The following SMTN variants were observed in gnomAD, a reference collection of about 807,000 sequenced individuals.
The protein encoded by SMTN is smoothelin.
SMTN carries 58 observed loss-of-function variants against 102.0 expected under a neutral mutation model. The observed-to-expected ratio is 0.57, with a 90% CI of 0.46 to 0.71. The LOEUF (loss-of-function observed/expected upper bound fraction) is 0.71. Among genes scored for constraint, SMTN ranks in the 30% least tolerant of loss-of-function variants. The pLI is 0.00. For synonymous variants in SMTN, 478 were observed against 497.9 expected (o/e 0.96, Z 0.53); for missense variants, 1,185 against 1,241.7 (o/e 0.95, Z 0.69).
At chr22:31,076,538 G>T (rs2042134949), upstream of SMTN, among the ~76,000 whole-genome samples, 1 of 152,222 alleles carries the variant, frequency 6.6e-6, no homozygotes, top group East Asian at 1.9e-4. Context: ...GCTTTATAGG[G>T]CTGTGGTGAT....
intron 1 of SMTN, among the ~76,000 whole-genome samples, chr22:31,075,740 G>C (rs1023407149): frequency 2.0e-5 from 3 of 151,826 alleles, no homozygotes; most frequent in Admixed American, 2.0e-4. Flanking sequence ...GAATAAGTAA[G>C]TTACTGTGGG....
At chr22:31,075,213 A>AT (rs201597660) in intron 1 of SMTN, among the ~76,000 whole-genome samples, 4 of 151,830 alleles carry the variant, frequency 2.6e-5, no homozygotes, top group African/African-American at 9.7e-5. Flanking sequence ...TCTGGGCCTC[A>AT]TTTTTTTTCT....
Position 31,090,158 on chromosome 22 carries a change from C to G in SMTN, c.843C>G (p.Gly281=), listed in dbSNP as rs1178797860. The change falls in exon 8 of 21, where the codon GGC becomes GGG. Residue 281 remains glycine, a synonymous_variant. Coordinates refer to ENST00000333137, the MANE Select transcript of SMTN (RefSeq NM_134269.3). ...CTGCTGCCCAGAGCCCCACCAGAGG[C>G]CCCTCTGACACCAAGAGAGCAGGTG... ...ETPAAQSPTR[G]PSDTKRADVA... The G allele has an allele frequency of 2.5e-6, 4 of 1,611,652 alleles. No individual in the cohort carries two copies. The highest frequency in any genetic ancestry group is 1.7e-4 in the Middle Eastern group (1 of 6,034).
chr22:31,085,080 G>A (rs2042581234), intron 2 of SMTN: 4 of 1,534,042 alleles, frequency 2.6e-6, no homozygotes, highest in Non-Finnish European at 3.5e-6. Flanking sequence ...GGGATGGGAG[G>A]AATGGGGACG....
chr22:31,066,459 C>G (rs2041852654), intron 1 of SMTN: 1 of 152,116 alleles, frequency 6.6e-6, no homozygotes, highest in African/African-American at 2.4e-5. Context: ...AGTGATGCAC[C>G]ACCACGCCTG....
chr22:31,077,931 G>A (rs1239022665), upstream of SMTN, among the ~76,000 whole-genome samples: 3 of 152,230 alleles, frequency 2.0e-5, no homozygotes, highest in Non-Finnish European at 2.9e-5. Context: ...ACATAAGGAG[G>A]AAGGTCATAC....
intron 11 of SMTN, among the ~76,000 whole-genome samples, chr22:31,094,287 C>T (rs979227210): frequency 2.0e-5 from 3 of 152,210 alleles, no homozygotes; most frequent in African/African-American, 7.2e-5. Context: ...GCTAGAGACT[C>T]CTTAGAGGAT....
chr22:31,089,646 G>A (rs1452165757), intron 6 of SMTN, 53 bp from the exon 7 acceptor site: 1 of 1,512,314 alleles, frequency 6.6e-7, no homozygotes, highest in Non-Finnish European at 9.0e-7. Context: ...CAGTGGTGGG[G>A]GTGGCGTTCA....
chr22:31,104,030 TC>T, intron 20 of SMTN: 2 of 440,100 alleles, frequency 4.5e-6, no homozygotes, highest in Admixed American at 6.9e-5. Flanking sequence ...AGCCAGCACC[TC>T]CCCAGGGTTG....
Position 31,100,865 on chromosome 22 carries a change from C to A in SMTN, c.2604-20C>A. Reference sequence around the variant, plus strand: ...CCTGCCCCCGTCCCCCACCCCTTCCCGGCCCCCTACCCTCCCCAGGACCCA... The same window carrying A: ...CCTGCCCCCGTCCCCCACCCCTTCCAGGCCCCCTACCCTCCCCAGGACCCA... On this transcript the variant is annotated intron_variant, in intron 19 of 20. Coordinates refer to ENST00000333137, the MANE Select transcript of SMTN (RefSeq NM_134269.3). 1 of 1,480,030 alleles carries A rather than the reference C, an allele frequency of 6.8e-7. No individual in the cohort carries two copies. The highest frequency in any genetic ancestry group is 1.4e-5 in the African/African-American group (1 of 72,058). 91.7% of individuals were successfully genotyped at this position (1,480,030 alleles called of 1,614,324 possible). A position where few individuals can be genotyped will look rare whatever the true frequency, so the allele number is the denominator to read the frequency against.
At chr22:31,094,117 G>C (rs1175684883) in intron 11 of SMTN, among the ~76,000 whole-genome samples, 4 of 152,200 alleles carry the variant, frequency 2.6e-5, no homozygotes, top group Admixed American at 2.6e-4. Context: ...CTGCCGCCCT[G>C]CACCCTGGCC....
At position 31,099,903 on chromosome 22, in the gene SMTN, G is replaced by A; in HGVS notation, c.2603+7G>A. On this transcript the variant is annotated splice_region_variant and intron_variant, in intron 19 of 20. Coordinates refer to ENST00000333137, the MANE Select transcript of SMTN (RefSeq NM_134269.3). ...TGGCCTTCTCATCTGCGGAGTAAGT[G>A]TGGGCCCTGGCCCTGCTAATGTTGC... The A allele has an allele frequency of 1.2e-6, 2 of 1,613,550 alleles. No individual in the cohort carries two copies. Among genetic ancestry groups the A allele is most frequent in the South Asian group, 1.1e-5 (1 of 91,078 alleles).
intron 1 of SMTN, among the ~76,000 whole-genome samples, chr22:31,072,997 T>TTC (rs199956191): frequency 1.1e-3 from 152 of 137,464 alleles, no homozygotes; most frequent in Middle Eastern, 4.2e-3. Context: ...CTGAAGTTGA[T>TTC]TCTCTCTCTC....
In SMTN at chr22:31,091,337, G is replaced by A. The variant is rs1193361225; in HGVS notation, c.1314G>A (p.Glu438=). 3.1e-6 allele frequency: 5 copies of A among 1,607,034 alleles called. No individual in the cohort carries two copies. The highest frequency in any genetic ancestry group is 1.7e-5 in the Admixed American group (1 of 59,412). Reference sequence around the variant, plus strand: ...CAGGGGGGCCTGTGGCACGTTCAGAGGAGCCTGGTGCCCCGCTGCCCGTGG... The same window carrying A: ...CAGGGGGGCCTGTGGCACGTTCAGAAGAGCCTGGTGCCCCGCTGCCCGTGG... The part of the protein sequence containing the change: ...NRAGGPVARS[E]EPGAPLPVAV... The change falls in exon 10 of 21, where the codon GAG becomes GAA. Residue 438 remains glutamate (E), a synonymous_variant. Transcript: ENST00000333137.
At chr22:31,073,526 G>A (rs1436859711) in intron 1 of SMTN, among the ~76,000 whole-genome samples, 1 of 152,150 alleles carries the variant, frequency 6.6e-6, no homozygotes, top group Non-Finnish European at 1.5e-5. Context: ...ATAGATTCCA[G>A]GGAAAGCCTG....
In SMTN at chr22:31,091,732, A is replaced by G; in HGVS notation, c.1517A>G (p.Lys506Arg). 6.2e-7 allele frequency: 1 copy of G among 1,612,740 alleles called. No homozygotes were observed. The highest frequency in any genetic ancestry group is 2.2e-5 in the East Asian group (1 of 44,844). Residue 506 changes from lysine (K) to arginine (R), a missense_variant, in exon 11 of 21, where the codon AAG becomes AGG. Physicochemically the swap from Lys to Arg is conservative, Grantham distance 26 (BLOSUM62 2). This residue lies in a region of SMTN where 1,096 missense variants were observed against 1,112.7 expected (regional missense o/e 0.98). Transcript: ENST00000333137. Reference sequence around the variant, plus strand: ...CTACTCAGCACCAGTAGTGGGGGCAAGAGCACCATCACCCGTGTCAACAGC... The same window carrying G: ...CTACTCAGCACCAGTAGTGGGGGCAGGAGCACCATCACCCGTGTCAACAGC... ...PTLLSTSSGG[K>R]STITRVNSPG... is the part of the protein sequence containing the mutation.
In SMTN at chr22:31,090,963, T is replaced by TCCA; in HGVS notation, c.943_945dup (p.Thr315dup). The TCCA allele has an allele frequency of 3.1e-6, 5 of 1,613,022 alleles. No individual in the cohort carries two copies. The highest frequency in any genetic ancestry group is 3.4e-6 in the Non-Finnish European group (4 of 1,179,288). On this transcript the variant is annotated inframe_insertion, in exon 10 of 21. Coordinates refer to ENST00000333137, the MANE Select transcript of SMTN (RefSeq NM_134269.3). Reference sequence around the variant, plus strand: ...GACAGCCCTCCTGTTCCTTCTAGAGTCCACCCCCCTTGCCAGCGGACCTTC... The same window carrying TCCA: ...GACAGCCCTCCTGTTCCTTCTAGAGTCCACCACCCCCCTTGCCAGCGGACCTTC...
intron 1 of SMTN, chr22:31,066,006 AG>A (rs1224894101): frequency 6.6e-6 from 1 of 152,224 alleles, no homozygotes; most frequent in Non-Finnish European, 1.5e-5. Context: ...GCCTGTGTTC[AG>A]GCCTGCAGAC....
chr22:31,070,724 G>A (rs1188234731), intron 1 of SMTN, among the ~76,000 whole-genome samples: 1 of 151,852 alleles, frequency 6.6e-6, no homozygotes, highest in Admixed American at 6.6e-5. Context: ...AGGGGTTCAA[G>A]ACCAGCCTGG....
Sources: gnomAD v4.1 joint callset for allele counts (sites outside exome capture counted in the v4.1 genomes callset) on GRCh38, gnomAD v4.1.1 for gene constraint, gnomAD v4.1.1 regional missense constraint, MANE v1.5 for transcripts, NCBI Gene and HGNC (gene_info 2026-07-23, HGNC 2026-07-21) for gene names.